ZNF407: variants seen among roughly 807,000 people sequenced by gnomAD.
ZNF407 encodes the protein zinc finger protein 407.
ZNF407 carries 17 observed loss-of-function variants against 131.2 expected under a neutral mutation model. That is an observed-to-expected ratio of 0.13 (90% CI 0.09 to 0.19). The LOEUF (loss-of-function observed/expected upper bound fraction) is 0.19, where lower values mean the gene tolerates loss of function less well. Ranked by LOEUF, ZNF407 falls within the 10% of genes least tolerant of loss-of-function variation. ZNF407 has a pLI of 1.00. For synonymous variants in ZNF407, 1,156 were observed against 1,062.0 expected, an observed-to-expected ratio of 1.09 and a Z score of -1.72; for missense variants, 2,681 against 2,830.6, an observed-to-expected ratio of 0.95 and a Z score of 1.20.
At chr18:75,046,045 A>G (rs562354165) in intron 8 of ZNF407, among the ~76,000 whole-genome samples, 1 of 152,292 alleles carries the variant, frequency 6.6e-6, no homozygotes, top group African/African-American at 2.4e-5. Flanking sequence ...CATTCAAATG[A>G]TCCGAAGTCA....
At chr18:75,055,901 G>A (rs1190099837) in intron 8 of ZNF407, among the ~76,000 whole-genome samples, 1 of 152,176 alleles carries the variant, frequency 6.6e-6, no homozygotes, top group African/African-American at 2.4e-5. Flanking sequence ...CAAAGAAATT[G>A]TGTATTTGAA....
chr18:74,739,113 A>G (rs572403422), intron 3 of ZNF407, among the ~76,000 whole-genome samples: 10 of 151,962 alleles, frequency 6.6e-5, no homozygotes, highest in Admixed American at 3.9e-4. Flanking sequence ...TCATACGGCC[A>G]CAGAATTTAT....
intron 3 of ZNF407, among the ~76,000 whole-genome samples, chr18:74,739,298 C>G (rs1025621456): frequency 1.3e-5 from 2 of 151,782 alleles, no homozygotes; most frequent in African/African-American, 4.8e-5. Flanking sequence ...CCCACAGAAG[C>G]CACTGCCAGA....
chr18:74,817,433 G>A (rs566885695), intron 4 of ZNF407, among the ~76,000 whole-genome samples: 66 of 152,212 alleles, frequency 4.3e-4, no homozygotes, highest in Admixed American at 1.2e-3. Flanking sequence ...TTGCTTTGTG[G>A]TTGGCATTTT....
chr18:74,913,052 G>A (rs1178560808), intron 7 of ZNF407, among the ~76,000 whole-genome samples: 1 of 152,108 alleles, frequency 6.6e-6, no homozygotes, highest in African/African-American at 2.4e-5. Flanking sequence ...CAAAAATTTG[G>A]TAGCCCCCTA....
chr18:74,950,635 C>T (rs1972203115), intron 8 of ZNF407, among the ~76,000 whole-genome samples: 1 of 152,206 alleles, frequency 6.6e-6, no homozygotes, highest in Admixed American at 6.5e-5. Flanking sequence ...TAATCTTCAA[C>T]AAAATCATTA....
At chr18:75,035,074 G>T (rs1364556181) in intron 8 of ZNF407, among the ~76,000 whole-genome samples, 1 of 152,086 alleles carries the variant, frequency 6.6e-6, no homozygotes, top group African/African-American at 2.4e-5. Context: ...CATCTAATAC[G>T]GCACTGAAAA....
At chr18:74,926,007 C>T (rs1169296253) in intron 8 of ZNF407, among the ~76,000 whole-genome samples, 2 of 152,226 alleles carry the variant, frequency 1.3e-5, no homozygotes, top group South Asian at 2.1e-4. Context: ...TACTTCACCA[C>T]TAACAAAAGA....
intron 4 of ZNF407, among the ~76,000 whole-genome samples, chr18:74,837,469 T>C (rs903461730): frequency 1.9e-4 from 29 of 152,050 alleles, no homozygotes; most frequent in Non-Finnish European, 2.8e-4. Context: ...TATACTGATA[T>C]CTTGTTATTG....
chr18:74,739,344 C>T (rs375291198), intron 3 of ZNF407, among the ~76,000 whole-genome samples: 2 of 152,004 alleles, frequency 1.3e-5, no homozygotes, highest in South Asian at 4.2e-4. Context: ...AAAAGGGACA[C>T]CTGGCTTTTC....
chr18:74,917,572 T>C (rs1774372928), intron 7 of ZNF407, among the ~76,000 whole-genome samples: 1 of 152,190 alleles, frequency 6.6e-6, no homozygotes, highest in Admixed American at 6.5e-5. Context: ...ATTTCAGTAA[T>C]AGTCCCCGGT....
chr18:75,032,910 G>A (rs1319480946), intron 8 of ZNF407, among the ~76,000 whole-genome samples: 1 of 135,054 alleles, frequency 7.4e-6, no homozygotes, highest in Admixed American at 8.1e-5. Context: ...GATAGTATTA[G>A]ATAACTAAGA....
At chr18:74,944,328 G>C (rs1489698964) in intron 8 of ZNF407, among the ~76,000 whole-genome samples, 2 of 152,134 alleles carry the variant, frequency 1.3e-5, no homozygotes, top group Admixed American at 6.6e-5. Context: ...TTACCTGACA[G>C]CAATTGATAA....
In ZNF407 at chr18:74,634,297, A is replaced by C. The variant is rs1210128310; in HGVS notation, c.3278A>C (p.Asn1093Thr). The change falls in exon 2 of 9, where the codon AAC becomes ACC. Residue 1093 changes from asparagine (N) to threonine (T), a missense_variant. Coordinates refer to ENST00000299687, the MANE Select transcript of ZNF407 (RefSeq NM_017757.3). ...VEAGSADMSK[N>T]IIMPEEEHQQ... is the part of the protein sequence containing the mutation. ...GCTGGTTCTGCAGACATGTCCAAAAACATCATTATGCCTGAAGAAGAGCAT... is the reference window on the plus strand; with the variant it reads ...GCTGGTTCTGCAGACATGTCCAAAACCATCATTATGCCTGAAGAAGAGCAT... The C allele has an allele frequency of 6.2e-7, 1 of 1,613,996 alleles. No individual in the cohort carries two copies. The highest frequency in any genetic ancestry group is 8.5e-7 in the Non-Finnish European group (1 of 1,179,882).
intron 4 of ZNF407, among the ~76,000 whole-genome samples, chr18:74,834,372 G>A (rs980710170): frequency 2.0e-5 from 3 of 152,198 alleles, no homozygotes; most frequent in South Asian, 2.1e-4. Context: ...GATGATCTGG[G>A]TATGAAGAAA....
At chr18:74,605,171 A>G (rs1982748723) in intron 1 of ZNF407, among the ~76,000 whole-genome samples, 1 of 152,126 alleles carries the variant, frequency 6.6e-6, no homozygotes, top group Admixed American at 6.6e-5. Context: ...TTTCTAGGGT[A>G]AGAGACATTC....
At position 74,819,933 on chromosome 18, in the gene ZNF407, G is replaced by A. The variant is rs902040305; in HGVS notation, c.4877+38431G>A. 5.3e-5 allele frequency among the ~76,000 whole-genome samples: 8 copies of A among 152,288 alleles called. No individual in the cohort carries two copies. In the East Asian group the frequency reaches 7.7e-4, roughly 15 times the overall value. ...CATTGTGCTGCCTCTAGTGGCCGGCGCAGTGCCTGGCCTGTAGCAGGGCTC... is the reference window on the plus strand; with the variant it reads ...CATTGTGCTGCCTCTAGTGGCCGGCACAGTGCCTGGCCTGTAGCAGGGCTC... On this transcript the variant is annotated intron_variant, in intron 4 of 8. Transcript: ENST00000299687.
chr18:74,912,690 G>GT (rs1227143302), intron 7 of ZNF407, among the ~76,000 whole-genome samples: 1 of 152,046 alleles, frequency 6.6e-6, no homozygotes, highest in Non-Finnish European at 1.5e-5. Flanking sequence ...TGGAACAGTT[G>GT]TTTTATAGTC....
intron 3 of ZNF407, among the ~76,000 whole-genome samples, chr18:74,772,949 A>G (rs189417343): frequency 1.4e-4 from 21 of 152,340 alleles, no homozygotes; most frequent in Non-Finnish European, 2.9e-4. Context: ...AGATTACTAA[A>G]TCGGGAAGGT....
Sources: allele counts gnomAD v4.1 joint callset (sites outside exome capture counted in the v4.1 genomes callset), GRCh38; gene constraint gnomAD v4.1.1; transcripts MANE v1.5; gene names NCBI Gene and HGNC (gene_info 2026-07-23, HGNC 2026-07-21).